The following RHOBTB2 variants were observed in gnomAD, a reference collection of about 807,000 sequenced individuals.
RHOBTB2 encodes the protein rho-related BTB domain-containing protein 2.
In RHOBTB2, 39 loss-of-function variants were observed where a neutral mutation model predicts 66.5. The ratio of observed to expected loss-of-function variants is 0.59; its 90% CI spans 0.45 to 0.77. The LOEUF (loss-of-function observed/expected upper bound fraction) is 0.77. RHOBTB2 is among the 30% of genes least tolerant of loss of function. The probability of loss-of-function intolerance (pLI) is 0.00; values close to 1 mark genes in which losing one functional copy is unlikely to be tolerated. For missense variants in RHOBTB2, 755 were observed against 999.1 expected (o/e 0.76, Z 3.29); for synonymous variants, 390 against 395.0 (o/e 0.99, Z 0.15).
At chr8:22,963,212 A>C in the RHOBTB2 span, among the ~76,000 whole-genome samples, 9 of 152,336 alleles carry the variant, frequency 5.9e-5, no homozygotes, top group South Asian at 2.1e-4. Flanking sequence ...ATGGGAAAGA[A>C]GAGGGGAAAG....
At chr8:22,998,252 A>G (rs1810632615), upstream of RHOBTB2, among the ~76,000 whole-genome samples, 1 of 152,178 alleles carries the variant, frequency 6.6e-6, no homozygotes, top group Admixed American at 6.5e-5. Context: ...TTGGCAGTAA[A>G]TTTCTCTTCC....
At chr8:23,005,082 G>A (rs1401342648) in intron 2 of RHOBTB2, among the ~76,000 whole-genome samples, 2 of 152,116 alleles carry the variant, frequency 1.3e-5, no homozygotes, top group Non-Finnish European at 2.9e-5. Context: ...CAGTCCCTTA[G>A]GGTCTCTTCC....
intron 7 of RHOBTB2, among the ~76,000 whole-genome samples, chr8:23,014,441 T>C (rs986900976): frequency 1.3e-5 from 2 of 152,212 alleles, no homozygotes; most frequent in South Asian, 2.1e-4. Context: ...ACATACGTAG[T>C]TTGAAAAATC....
chr8:22,963,678 G>A, the RHOBTB2 span, among the ~76,000 whole-genome samples: 103 of 152,298 alleles, frequency 6.8e-4, 1 homozygote, highest in Admixed American at 2.8e-3. Context: ...CAATCATGGC[G>A]GAAGGCAAGG....
chr8:22,952,138 C>T, the RHOBTB2 span, among the ~76,000 whole-genome samples: 5 of 152,270 alleles, frequency 3.3e-5, no homozygotes, highest in Admixed American at 1.3e-4. Flanking sequence ...ATAGCCAGAA[C>T]GCTGACCCAC....
chr8:22,983,813 C>A (rs1391123108), upstream of RHOBTB2, among the ~76,000 whole-genome samples: 1 of 152,034 alleles, frequency 6.6e-6, no homozygotes, highest in Non-Finnish European at 1.5e-5. Flanking sequence ...TGGCTCATTG[C>A]AACCTCTGCC....
intron 9 of RHOBTB2, 92 bp downstream of exon 9, chr8:23,015,835 G>C: frequency 1.1e-6 from 1 of 922,472 alleles, no homozygotes; most frequent in Non-Finnish European, 1.7e-6. Flanking sequence ...GAGGCTGCCA[G>C]TAATCCTTGA....
In RHOBTB2 at chr8:23,007,378, A is replaced by G; in HGVS notation, c.1133A>G (p.Tyr378Cys). The change falls in exon 5 of 10, where the codon TAC becomes TGC. Residue 378 changes from tyrosine (Y) to cysteine (C), a missense_variant. Coordinates refer to ENST00000251822, the MANE Select transcript of RHOBTB2 (RefSeq NM_015178.3). Reference protein sequence around the residue: ...DGILRGNGTGYLPGRGRVLSS... With the variant: ...DGILRGNGTGCLPGRGRVLSS... The stretch of plus-strand genomic sequence containing the variant: ...ATCTTACGGGGCAACGGAACAGGGT[A>G]CCTACCGGGCAGGGGTCGTGTGCTG... 1 of 1,614,034 alleles carries G rather than the reference A, an allele frequency of 6.2e-7. No homozygotes were observed. Among genetic ancestry groups the G allele is most frequent in the Non-Finnish European group, 8.5e-7 (1 of 1,179,990 alleles).
At chr8:22,957,426 G>T in the RHOBTB2 span, among the ~76,000 whole-genome samples, 1 of 152,144 alleles carries the variant, frequency 6.6e-6, no homozygotes, top group Non-Finnish European at 1.5e-5. Flanking sequence ...CCTGATTTGG[G>T]CTTCATAAGC....
At chr8:23,013,369 G>T (rs1260588197) in intron 7 of RHOBTB2, among the ~76,000 whole-genome samples, 1 of 152,068 alleles carries the variant, frequency 6.6e-6, no homozygotes, top group Non-Finnish European at 1.5e-5. Flanking sequence ...CTAAGAGGAA[G>T]CCCTTTGCCT....
Position 23,017,105 on chromosome 8 carries a change from G to T in RHOBTB2, c.1967-147G>T. On this transcript the variant is annotated intron_variant, in intron 9 of 9. Coordinates refer to ENST00000251822, the MANE Select transcript of RHOBTB2 (RefSeq NM_015178.3). This position sits in a 1 kb window ranked among gnomAD's most constrained non-coding sequence, Gnocchi z 5.3. ...CTCTTTGGGAACTTTGCTTGCCTCG[G>T]AGGCTCATGTGCCGTGGGTCATGGG... 3.9e-6 allele frequency: 4 copies of T among 1,014,896 alleles called. No homozygotes were observed. Among genetic ancestry groups the T allele is most frequent in the Non-Finnish European group, 4.4e-6 (3 of 683,926 alleles). 62.9% of individuals were successfully genotyped at this position (1,014,896 alleles called of 1,614,324 possible).
At position 22,999,847 on chromosome 8, in the gene RHOBTB2, G is replaced by C. The variant is rs1264620081; in HGVS notation, c.-269G>C. 2.0e-6 allele frequency: 2 copies of C among 984,778 alleles called. No individual in the cohort carries two copies. The highest frequency in any genetic ancestry group is 2.4e-6 in the Non-Finnish European group (2 of 829,892). The allele number at this position is 984,778 out of a possible 1,614,324, so 61.0% of individuals were successfully genotyped here. A position where few individuals can be genotyped will look rare whatever the true frequency, so the allele number is the denominator to read the frequency against. On this transcript the variant is annotated 5_prime_UTR_variant, in exon 1 of 10. The change abolishes an upstream ATG in the 5' untranslated region. Coordinates refer to ENST00000251822, the MANE Select transcript of RHOBTB2 (RefSeq NM_015178.3). ...TTGGGCGCCTGGCGCGCGGGGCGAT[G>C]CTGATCCGGAAGGGGCAGCGGCTGC...
rs1325249425 is a variant in RHOBTB2, at chr8:22,999,798, C to T, written c.-318C>T. 7 of 983,232 alleles carry T rather than the reference C, an allele frequency of 7.1e-6. No homozygotes were observed. The highest frequency in any genetic ancestry group is 8.4e-6 in the Non-Finnish European group (7 of 829,608). 60.9% of individuals were successfully genotyped at this position (983,232 alleles called of 1,614,324 possible). A position where few individuals can be genotyped will look rare whatever the true frequency, so the allele number is the denominator to read the frequency against. On this transcript the variant is annotated 5_prime_UTR_variant, in exon 1 of 10. Coordinates refer to ENST00000251822, the MANE Select transcript of RHOBTB2 (RefSeq NM_015178.3). Reference sequence around the variant, plus strand: ...GCGCGCCGCCCGCTGCCTCCGCAGCCCGGCTCCGCGCGCCGCCGTGACATT... The same window carrying T: ...GCGCGCCGCCCGCTGCCTCCGCAGCTCGGCTCCGCGCGCCGCCGTGACATT...
At chr8:23,008,247 T>C (rs1429012587) in intron 6 of RHOBTB2, 136 bp downstream of exon 6, 6 of 655,952 alleles carry the variant, frequency 9.1e-6, no homozygotes, top group Non-Finnish European at 1.6e-5. Context: ...GAGAGGTTTA[T>C]GAGGTGGTTC....
chr8:23,010,766 G>T, intron 7 of RHOBTB2, 78 bp downstream of exon 7: 2 of 1,481,128 alleles, frequency 1.4e-6, no homozygotes, highest in Non-Finnish European at 1.9e-6. Flanking sequence ...CTCCTCTCAC[G>T]TCTCTCCTGG....
the RHOBTB2 span, among the ~76,000 whole-genome samples, chr8:22,957,721 C>G: frequency 6.6e-6 from 1 of 152,164 alleles, no homozygotes; most frequent in African/African-American, 2.4e-5. Context: ...TTTTCCAAAG[C>G]TTATATACCT....
the RHOBTB2 span, among the ~76,000 whole-genome samples, chr8:22,955,077 G>A: frequency 1.3e-5 from 2 of 152,178 alleles, no homozygotes; most frequent in African/African-American, 4.8e-5. Flanking sequence ...GTTGCAATAA[G>A]CCGAGATTGC....
upstream of RHOBTB2, chr8:22,994,652 T>C (rs1334766955): frequency 2.6e-6 from 4 of 1,546,572 alleles, no homozygotes; most frequent in Admixed American, 7.8e-5. Flanking sequence ...GAGTAGCTAC[T>C]GTGTACTGTG....
chr8:22,973,271 C>CA, the RHOBTB2 span, among the ~76,000 whole-genome samples: 2 of 152,066 alleles, frequency 1.3e-5, no homozygotes, highest in African/African-American at 4.8e-5. Context: ...CTCCCTTGCC[C>CA]AAGCTGGAGT....
Sources: gnomAD v4.1 joint callset for allele counts (sites outside exome capture counted in the v4.1 genomes callset) on GRCh38, gnomAD v4.1.1 for gene constraint, Gnocchi (gnomAD v3.1) non-coding constraint, MANE v1.5 for transcripts, NCBI Gene and HGNC (gene_info 2026-07-23, HGNC 2026-07-21) for gene names.